The following REV1 variants were observed in gnomAD, a reference collection of about 807,000 sequenced individuals.
REV1 encodes the protein REV1 DNA directed polymerase.
A neutral mutation model predicts 137.4 loss-of-function variants in REV1; 42 were observed. That is an observed-to-expected ratio of 0.31 (90% confidence interval 0.24 to 0.40). The LOEUF (loss-of-function observed/expected upper bound fraction) is 0.40. Among genes scored for constraint, REV1 ranks in the 10% least tolerant of loss-of-function variants. The pLI, the probability that REV1 is intolerant of heterozygous loss-of-function variation, is 1.00. For missense variants in REV1, 1,282 were observed against 1,490.1 expected (o/e 0.86, Z 2.30); for synonymous variants, 524 against 519.2 (o/e 1.01, Z -0.12).
chr2:99,442,574 G>C, intron 4 of REV1, 105 bp from the exon 5 acceptor site: 3 of 1,045,262 alleles, frequency 2.9e-6, no homozygotes, highest in African/African-American at 3.2e-5. Context: ...CCAACAACAG[G>C]TCATCTGTTT....
rs1392322819 is a variant in REV1 at position 99,431,689 on chromosome 2, C to A, written c.1439-1741G>T. 3 of 982,146 alleles carry A rather than the reference C, an allele frequency of 3.1e-6. No individual in the cohort carries two copies. The African/African-American group carries it at 5.2e-5, about 17-fold the overall frequency. 60.8% of individuals were successfully genotyped at this position (982,146 alleles called of 1,614,324 possible). A position where few individuals can be genotyped will look rare whatever the true frequency, so the allele number is the denominator to read the frequency against. ...CTCTGTGGTCCATGCGCCCCCAGTG[C>A]CCTGGCCTGAGAGGCAGCACCATCG... On this transcript the variant is annotated intron_variant, in intron 8 of 22. Transcript: ENST00000258428.
At chr2:99,437,982 A>T (rs1223891243) in intron 6 of REV1, among the ~76,000 whole-genome samples, 1 of 152,126 alleles carries the variant, frequency 6.6e-6, no homozygotes, top group Non-Finnish European at 1.5e-5. Flanking sequence ...CTCTCCCCAT[A>T]AAAAAATCCT....
At chr2:99,448,966 G>A (rs183270547) in intron 4 of REV1, among the ~76,000 whole-genome samples, 5 of 152,310 alleles carry the variant, frequency 3.3e-5, no homozygotes, top group African/African-American at 1.2e-4. Context: ...TGTCAATCAG[G>A]AGGCAATATA....
intron 22 of REV1, 104 bp from the exon 23 acceptor site, chr2:99,401,456 A>G: frequency 2.7e-6 from 2 of 747,416 alleles, no homozygotes; most frequent in Non-Finnish European, 4.2e-6. Context: ...AAAAAAAAAA[A>G]AGTCCTGGCC....
At position 99,403,680 on chromosome 2, in the gene REV1, A is replaced by G. The variant is rs1675844721; in HGVS notation, c.3166+15T>C. ...TTTGTCTTCATTTTTGTTACATGCC[A>G]CTTCCAAGGCTCACCAGATGCGCTG... On this transcript the variant is annotated intron_variant, in intron 19 of 22. Coordinates refer to ENST00000258428, the MANE Select transcript of REV1 (RefSeq NM_016316.4). The G allele has an allele frequency of 4.3e-6, 7 of 1,614,122 alleles. No homozygotes were observed. The highest frequency in any genetic ancestry group is 5.1e-6 in the Non-Finnish European group (6 of 1,180,022).
At chr2:99,446,914 A>C (rs1682300087) in intron 4 of REV1, among the ~76,000 whole-genome samples, 1 of 152,140 alleles carries the variant, frequency 6.6e-6, no homozygotes, top group African/African-American at 2.4e-5. Context: ...CCCCAGATAA[A>C]AACTCTAGCT....
intron 4 of REV1, among the ~76,000 whole-genome samples, chr2:99,449,084 G>A (rs999120707): frequency 2.0e-5 from 3 of 152,010 alleles, no homozygotes; most frequent in Admixed American, 6.6e-5. Flanking sequence ...GACCAGTCTC[G>A]GCAACATGGT....
intron 4 of REV1, among the ~76,000 whole-genome samples, chr2:99,445,805 T>G (rs990528338): frequency 6.6e-6 from 1 of 152,190 alleles, no homozygotes; most frequent in African/African-American, 2.4e-5. Flanking sequence ...CAGGGCCCTA[T>G]AACCATGCCT....
chr2:99,479,368 T>C (rs1686351892), intron 1 of REV1, among the ~76,000 whole-genome samples: 1 of 146,530 alleles, frequency 6.8e-6, no homozygotes, highest in Non-Finnish European at 1.5e-5. Context: ...GGCAACAAAA[T>C]CTCGCCTGTC....
chr2:99,434,217 T>C (rs1680453517), intron 8 of REV1, 115 bp downstream of exon 8: 1 of 557,878 alleles, frequency 1.8e-6, no homozygotes, highest in Admixed American at 3.1e-5. Context: ...AACCCCTGAA[T>C]GAAAAAGCTA....
chr2:99,450,158 A>T (rs1222603227), intron 3 of REV1, among the ~76,000 whole-genome samples: 3 of 152,116 alleles, frequency 2.0e-5, no homozygotes, highest in Non-Finnish European at 4.4e-5. Flanking sequence ...AGAAACACCA[A>T]TTTTTTTCAA....
At chr2:99,411,052 C>G (rs1188878655) in intron 13 of REV1, among the ~76,000 whole-genome samples, 185 bp from the exon 14 acceptor site, 3 of 152,084 alleles carry the variant, frequency 2.0e-5, no homozygotes, top group African/African-American at 4.8e-5. Flanking sequence ...TTTGAGAGGC[C>G]GAGGCTGGTG....
intron 15 of REV1, among the ~76,000 whole-genome samples, chr2:99,407,231 A>G (rs1676454659): frequency 6.6e-6 from 1 of 151,060 alleles, no homozygotes; most frequent in South Asian, 2.1e-4. Flanking sequence ...TGGGACTATG[A>G]GGCATGCACC....
intron 3 of REV1, among the ~76,000 whole-genome samples, chr2:99,457,822 G>A (rs1413339983): frequency 9.2e-5 from 14 of 152,138 alleles, no homozygotes; most frequent in Admixed American, 9.2e-4. Flanking sequence ...TTGATATAGT[G>A]TGGTACTGGT....
chr2:99,428,942 A>G (rs1309855778), intron 9 of REV1, among the ~76,000 whole-genome samples: 1 of 150,936 alleles, frequency 6.6e-6, no homozygotes, highest in Non-Finnish European at 1.5e-5. Context: ...CAGTGAGCCA[A>G]GATGGTGCCA....
intron 6 of REV1, 112 bp from the exon 7 acceptor site, chr2:99,436,053 G>C (rs1338257844): frequency 1.0e-5 from 7 of 685,062 alleles, no homozygotes; most frequent in Non-Finnish European, 1.5e-5. Context: ...CCAGAATGGA[G>C]TCTTTTTAAA....
intron 3 of REV1, among the ~76,000 whole-genome samples, chr2:99,454,269 G>C (rs1469313792): frequency 6.6e-6 from 1 of 151,846 alleles, no homozygotes; most frequent in Non-Finnish European, 1.5e-5. Flanking sequence ...AACAGAAAAG[G>C]CTGGGCACGG....
At chr2:99,456,552 AGG>A (rs1259719260) in intron 3 of REV1, among the ~76,000 whole-genome samples, 1 of 152,212 alleles carries the variant, frequency 6.6e-6, no homozygotes, top group African/African-American at 2.4e-5. Context: ...TGCAAATTTA[AGG>A]CCCTGAGGTG....
At chr2:99,427,264 G>T (rs1679512672) in intron 9 of REV1, among the ~76,000 whole-genome samples, 1 of 152,052 alleles carries the variant, frequency 6.6e-6, no homozygotes, top group Middle Eastern at 3.2e-3. Context: ...AAAGGTAGTG[G>T]GTCCTTACAA....
Sources: allele counts gnomAD v4.1 joint callset (sites outside exome capture counted in the v4.1 genomes callset), GRCh38; gene constraint gnomAD v4.1.1; transcripts MANE v1.5; gene names NCBI Gene and HGNC (gene_info 2026-07-23, HGNC 2026-07-21).